Variants in UBR2 observed in about 807,000 individuals in gnomAD.
UBR2 encodes E3 ubiquitin-protein ligase UBR2.
Under a neutral mutation model 247.9 loss-of-function variants are expected in UBR2, and 92 were observed. That is an observed-to-expected ratio of 0.37 (90% CI 0.31 to 0.44). UBR2 has a LOEUF of 0.44. UBR2 is among the 20% of genes least tolerant of loss of function. The probability of loss-of-function intolerance (pLI) is 1.00; values close to 1 mark genes in which losing one functional copy is unlikely to be tolerated. For synonymous variants in UBR2, 672 were observed against 693.5 expected (o/e 0.97, Z 0.49); for missense variants, 1,613 against 2,112.6 (o/e 0.76, Z 4.64).
At chr6:42,639,033 T>A (rs1455208428) in intron 15 of UBR2, among the ~76,000 whole-genome samples, 1 of 152,210 alleles carries the variant, frequency 6.6e-6, no homozygotes, top group Non-Finnish European at 1.5e-5. Flanking sequence ...CTGCTTATAA[T>A]CTAATTGGAA....
chr6:42,657,316 TCTTAA>T (rs1282071861), intron 26 of UBR2, among the ~76,000 whole-genome samples: 3 of 152,060 alleles, frequency 2.0e-5, no homozygotes, highest in Admixed American at 6.5e-5. Flanking sequence ...TCAACATTAC[TCTTAA>T]CTTGTCTTTA....
chr6:42,617,237 T>A (rs1416864687), intron 10 of UBR2, 172 bp from the exon 11 acceptor site: 1 of 1,613,828 alleles, frequency 6.2e-7, no homozygotes, highest in Non-Finnish European at 8.5e-7. Context: ...CCTTGTTGTT[T>A]AGAATTACCA....
At chr6:42,674,822 C>T (rs1405301708) in intron 38 of UBR2, among the ~76,000 whole-genome samples, 1 of 151,590 alleles carries the variant, frequency 6.6e-6, no homozygotes, top group Non-Finnish European at 1.5e-5. Flanking sequence ...TGTACATTTT[C>T]GAAAATCTGG....
intron 11 of UBR2, among the ~76,000 whole-genome samples, chr6:42,629,314 G>A (rs1050540982): frequency 2.0e-5 from 3 of 150,578 alleles, no homozygotes; most frequent in African/African-American, 7.3e-5. Flanking sequence ...ACTGTGCCCG[G>A]CTGATAGTGG....
chr6:42,621,008 A>G (rs1038901563), intron 11 of UBR2, among the ~76,000 whole-genome samples: 2 of 152,024 alleles, frequency 1.3e-5, no homozygotes, highest in Admixed American at 6.6e-5. Flanking sequence ...TTTTTAGTAG[A>G]GACGGGGTTT....
chr6:42,635,366 A>C, intron 13 of UBR2, 52 bp from the exon 14 acceptor site: 2 of 1,555,380 alleles, frequency 1.3e-6, no homozygotes, highest in Non-Finnish European at 1.8e-6. Context: ...GTTTCCATAT[A>C]AAAGAACAAC....
chr6:42,641,095 C>T (rs1796419631), intron 16 of UBR2, among the ~76,000 whole-genome samples: 1 of 152,096 alleles, frequency 6.6e-6, no homozygotes. Context: ...TTGGTGTTGA[C>T]CATAAATGGG....
Position 42,637,071 on chromosome 6 carries a change from GGTT to G in UBR2, c.1736_1738del (p.Gly579_Tyr580delinsAsp). 1 of 1,614,066 alleles carries G rather than the reference GGTT, an allele frequency of 6.2e-7. No homozygotes were observed. The highest frequency in any genetic ancestry group is 8.5e-7 in the Non-Finnish European group (1 of 1,180,006). ...CGCTGTACTGATGCAGTGTCATGGT[GGTT>G]ATACTGATGGTGAACAGCCAATCAC... On this transcript the variant is annotated inframe_deletion, in exon 15 of 47. Transcript: ENST00000372901.
At chr6:42,577,806 C>T (rs1279688806) in intron 2 of UBR2, among the ~76,000 whole-genome samples, 1 of 151,596 alleles carries the variant, frequency 6.6e-6, no homozygotes, top group African/African-American at 2.4e-5. Context: ...CAGAAATTGG[C>T]ATTGGGGGCG....
intron 23 of UBR2, among the ~76,000 whole-genome samples, chr6:42,651,088 G>A (rs952290405): frequency 2.6e-5 from 4 of 152,030 alleles, no homozygotes; most frequent in African/African-American, 9.7e-5. Context: ...CAGGCATGGT[G>A]TCATGCACTT....
chr6:42,602,632 TAC>T (rs1262130878), intron 4 of UBR2, among the ~76,000 whole-genome samples: 6 of 150,616 alleles, frequency 4.0e-5, no homozygotes, highest in Non-Finnish European at 8.9e-5. Context: ...TGTGTATATA[TAC>T]ATTTACATTA....
chr6:42,685,468 A>AT (rs35244800), intron 44 of UBR2, among the ~76,000 whole-genome samples: 24,622 of 144,852 alleles, frequency 0.17, 2,737 homozygotes, highest in African/African-American at 0.31. Context: ...GCCCTTAGTA[A>AT]TTTTTTTTTT....
chr6:42,573,901 T>C lies in UBR2; in HGVS notation c.246T>C (p.Pro82=). 6.2e-7 allele frequency: 1 copy of C among 1,614,084 alleles called. No homozygotes were observed. The highest frequency in any genetic ancestry group is 8.5e-7 in the Non-Finnish European group (1 of 1,180,004). The change falls in exon 2 of 47, where the codon CCT becomes CCC. Residue 82 remains proline, a synonymous_variant. Transcript: ENST00000372901. The part of the protein sequence containing the change: ...PMEWYLCGED[P]AFGFPKLEQA... ...AATGGTACCTTTGTGGTGAAGATCC[T>C]GCATTTGGATTTCCAAAACTTGAGC...
chr6:42,667,766 T>C (rs1798205091), intron 34 of UBR2, among the ~76,000 whole-genome samples: 1 of 146,786 alleles, frequency 6.8e-6, no homozygotes, highest in Middle Eastern at 3.4e-3. Context: ...CTTTTTCTTT[T>C]TTTTTTTTTT....
intron 21 of UBR2, among the ~76,000 whole-genome samples, chr6:42,646,397 C>CCAT (rs1332620644): frequency 4.6e-5 from 7 of 152,026 alleles, no homozygotes; most frequent in Non-Finnish European, 8.8e-5. Flanking sequence ...TATAACAAAC[C>CCAT]CATCACCAGC....
intron 2 of UBR2, among the ~76,000 whole-genome samples, chr6:42,575,945 T>C (rs1211609158): frequency 6.6e-6 from 1 of 152,210 alleles, no homozygotes; most frequent in East Asian, 1.9e-4. Context: ...CTAGATTTGG[T>C]CAATAGGAGC....
chr6:42,578,752 G>A (rs1212028269), intron 2 of UBR2, among the ~76,000 whole-genome samples: 1 of 152,016 alleles, frequency 6.6e-6, no homozygotes, highest in Non-Finnish European at 1.5e-5. Context: ...AAGAGGGGTT[G>A]TTCTTTCAGT....
At position 42,665,339 on chromosome 6, in the gene UBR2, C is replaced by T. The variant is rs145548953; in HGVS notation, c.3699-70C>T. 4.2e-4 allele frequency: 482 copies of T among 1,159,050 alleles called. 4 individuals carry two copies. The African/African-American group carries it at 4.9e-3, about 12-fold the overall frequency. 71.8% of individuals were successfully genotyped at this position (1,159,050 alleles called of 1,614,324 possible). Reference sequence around the variant, plus strand: ...AGTGTGTCTAAAATATGCCTGTGATCATTTAAGGAGTCTTTTGTATCTTAA... The same window carrying T: ...AGTGTGTCTAAAATATGCCTGTGATTATTTAAGGAGTCTTTTGTATCTTAA... On this transcript the variant is annotated intron_variant, in intron 32 of 46. Transcript: ENST00000372901.
chr6:42,596,144 A>G (rs970763437), intron 4 of UBR2, among the ~76,000 whole-genome samples: 1 of 148,370 alleles, frequency 6.7e-6, no homozygotes, highest in Non-Finnish European at 1.5e-5. Context: ...CAGAGTTTAT[A>G]TCTTACAACT....
Sources: gnomAD v4.1 joint callset for allele counts (sites outside exome capture counted in the v4.1 genomes callset) on GRCh38, gnomAD v4.1.1 for gene constraint, MANE v1.5 for transcripts, NCBI Gene and HGNC (gene_info 2026-07-23, HGNC 2026-07-21) for gene names.